Variants in SLC9A9 observed in about 807,000 individuals in gnomAD.
The protein encoded by SLC9A9 is sodium/hydrogen exchanger 9.
SLC9A9 carries 62 observed loss-of-function variants against 77.8 expected under a neutral mutation model. That is an observed-to-expected ratio of 0.80 (90% CI 0.65 to 0.98). SLC9A9 has a LOEUF of 0.98. Ranked by LOEUF, SLC9A9 falls within the 50% of genes least tolerant of loss-of-function variation. The pLI, the probability that SLC9A9 is intolerant of heterozygous loss-of-function variation, is 0.00. For missense variants in SLC9A9, 775 were observed against 774.9 expected, an observed-to-expected ratio of 1.00 and a Z score of 0.00; for synonymous variants, 320 against 283.5, an observed-to-expected ratio of 1.13 and a Z score of -1.29.
intron 4 of SLC9A9, among the ~76,000 whole-genome samples, chr3:143,746,048 C>G (rs1454462531): frequency 6.6e-6 from 1 of 152,170 alleles, no homozygotes; most frequent in Non-Finnish European, 1.5e-5. Context: ...TGGAAAATGG[C>G]GAGCATAGGC....
intron 4 of SLC9A9, among the ~76,000 whole-genome samples, chr3:143,736,733 G>C (rs1339876722): frequency 6.6e-6 from 1 of 152,156 alleles, no homozygotes; most frequent in Non-Finnish European, 1.5e-5. Context: ...TCACAGTTCT[G>C]TGCTTCTGCA....
intron 6 of SLC9A9, among the ~76,000 whole-genome samples, chr3:143,649,968 C>A (rs1223524375): frequency 6.6e-6 from 1 of 151,770 alleles, no homozygotes; most frequent in Admixed American, 6.6e-5. Context: ...AAGTTGCTAT[C>A]TAGAAAGGCA....
intron 4 of SLC9A9, among the ~76,000 whole-genome samples, chr3:143,782,599 T>C (rs2007917455): frequency 6.6e-6 from 1 of 152,204 alleles, no homozygotes; most frequent in Non-Finnish European, 1.5e-5. Flanking sequence ...TTAAGTGAGA[T>C]AATGAATGCT....
At chr3:143,749,781 G>A (rs2006650690) in intron 4 of SLC9A9, among the ~76,000 whole-genome samples, 1 of 152,124 alleles carries the variant, frequency 6.6e-6, no homozygotes, top group Admixed American at 6.5e-5. Flanking sequence ...CAGTTATCCC[G>A]GTTTCAAGAG....
chr3:143,816,081 C>T (rs1017681442), intron 2 of SLC9A9, among the ~76,000 whole-genome samples: 2 of 152,228 alleles, frequency 1.3e-5, no homozygotes, highest in Non-Finnish European at 2.9e-5. Flanking sequence ...TGAAGTTTCT[C>T]CTCTTCTCAC....
intron 11 of SLC9A9, among the ~76,000 whole-genome samples, chr3:143,473,893 T>A (rs2035419889): frequency 6.6e-6 from 1 of 152,210 alleles, no homozygotes; most frequent in South Asian, 2.1e-4. Context: ...ATTAATTCAT[T>A]CAGGCTCCAG....
intron 13 of SLC9A9, among the ~76,000 whole-genome samples, chr3:143,381,605 A>G (rs2033305520): frequency 6.6e-6 from 1 of 152,226 alleles, no homozygotes; most frequent in South Asian, 2.1e-4. Context: ...TTGCTCAATT[A>G]AGTCAAAGGA....
intron 12 of SLC9A9, among the ~76,000 whole-genome samples, chr3:143,459,112 C>T (rs1415889719): frequency 2.4e-5 from 3 of 123,376 alleles, no homozygotes; most frequent in Admixed American, 8.3e-5. Flanking sequence ...TTCTATTTCT[C>T]TACAGTTTTT....
At chr3:143,456,139 T>A (rs1176332261) in intron 12 of SLC9A9, among the ~76,000 whole-genome samples, 3 of 152,146 alleles carry the variant, frequency 2.0e-5, no homozygotes, top group Non-Finnish European at 2.9e-5. Context: ...TTTTATTAAA[T>A]GCTTTTTCTG....
At chr3:143,385,481 G>A (rs1478485800) in intron 12 of SLC9A9, among the ~76,000 whole-genome samples, 1 of 152,098 alleles carries the variant, frequency 6.6e-6, no homozygotes, top group Admixed American at 6.5e-5. Context: ...ATCCCAAGGG[G>A]TATGCAAACA....
At chr3:143,586,207 G>A (rs1223011029) in intron 6 of SLC9A9, among the ~76,000 whole-genome samples, 1 of 152,238 alleles carries the variant, frequency 6.6e-6, no homozygotes, top group Non-Finnish European at 1.5e-5. Flanking sequence ...GCCAGCTGAG[G>A]GGTGAGCATC....
intron 12 of SLC9A9, among the ~76,000 whole-genome samples, chr3:143,416,172 A>T (rs1038637435): frequency 1.1e-4 from 17 of 152,172 alleles, no homozygotes; most frequent in Non-Finnish European, 2.5e-4. Context: ...ATGAGAAAAA[A>T]TGTTTTGCTG....
At chr3:143,310,561 T>G (rs1443269563) in intron 14 of SLC9A9, among the ~76,000 whole-genome samples, 1 of 150,434 alleles carries the variant, frequency 6.6e-6, no homozygotes, top group Non-Finnish European at 1.5e-5. Flanking sequence ...ATTTAGAATC[T>G]AAGTTTGTAC....
intron 7 of SLC9A9, among the ~76,000 whole-genome samples, chr3:143,575,935 C>A (rs781438786): frequency 6.6e-6 from 1 of 152,152 alleles, no homozygotes; most frequent in Non-Finnish European, 1.5e-5. Flanking sequence ...CCACCAAATA[C>A]TGCACGATCA....
intron 4 of SLC9A9, among the ~76,000 whole-genome samples, chr3:143,697,854 A>G (rs1253261004): frequency 6.6e-6 from 1 of 152,204 alleles, no homozygotes; most frequent in Non-Finnish European, 1.5e-5. Context: ...AGTTCAGTTC[A>G]AGCTCGTATG....
At chr3:143,551,928 G>A (rs1440729) in intron 9 of SLC9A9, among the ~76,000 whole-genome samples, 32,324 of 152,100 alleles carry the variant, frequency 0.21, 3,432 homozygotes, top group African/African-American at 0.22. Context: ...GATATATTCT[G>A]CTTGTGTGAC....
At chr3:143,273,036 T>C (rs1036008122) in intron 14 of SLC9A9, among the ~76,000 whole-genome samples, 3 of 152,260 alleles carry the variant, frequency 2.0e-5, no homozygotes, top group Non-Finnish European at 2.9e-5. Context: ...AACTGAATAA[T>C]ATCCAAAATA....
At chr3:143,469,234 A>G (rs2035336911) in intron 11 of SLC9A9, among the ~76,000 whole-genome samples, 1 of 152,340 alleles carries the variant, frequency 6.6e-6, no homozygotes, top group South Asian at 2.1e-4. Flanking sequence ...ATAAAAATAG[A>G]AATATAGACT....
chr3:143,294,258 C>A (rs1197891823), intron 14 of SLC9A9, among the ~76,000 whole-genome samples: 2 of 152,130 alleles, frequency 1.3e-5, no homozygotes, highest in Non-Finnish European at 2.9e-5. Context: ...CTCTTTCTTG[C>A]AATTGTTGTT....
Sources: gnomAD v4.1 joint callset for allele counts (sites outside exome capture counted in the v4.1 genomes callset) on GRCh38, gnomAD v4.1.1 for gene constraint, MANE v1.5 for transcripts, NCBI Gene and HGNC (gene_info 2026-07-23, HGNC 2026-07-21) for gene names.